ADGRG7: variants seen among roughly 807,000 people sequenced by gnomAD.
ADGRG7 encodes the protein adhesion G protein-coupled receptor G7, also known as G-protein coupled receptor 128.
Under a neutral mutation model 88.6 loss-of-function variants are expected in ADGRG7, and 82 were observed. That is an observed-to-expected ratio of 0.93 (90% CI 0.77 to 1.11). ADGRG7 has a LOEUF of 1.11. Among genes scored for constraint, ADGRG7 ranks in the 50% most tolerant of loss-of-function variants. The pLI, the probability that ADGRG7 is intolerant of heterozygous loss-of-function variation, is 0.00. For missense variants in ADGRG7, 945 were observed against 953.4 expected (o/e 0.99, Z 0.12); for synonymous variants, 381 against 345.2 (o/e 1.10, Z -1.15).
chr3:100,648,766 A>T (rs1144119), intron 10 of ADGRG7, among the ~76,000 whole-genome samples: 135,843 of 152,096 alleles, frequency 0.89, 62,539 homozygotes, highest in East Asian at 1. Flanking sequence ...TACAAATAAG[A>T]ATACATTGCT....
chr3:100,659,729 G>C lies in ADGRG7; in HGVS notation c.1865G>C (p.Ser622Thr), dbSNP rs1216324206. 6.2e-7 allele frequency: 1 copy of C among 1,613,780 alleles called. No homozygotes were observed. Among genetic ancestry groups the C allele is most frequent in the African/African-American group, 1.3e-5 (1 of 74,852 alleles). ...AIPEPNGVIKSPLLWSFIVPV... is the reference protein window; with the variant it reads ...AIPEPNGVIKTPLLWSFIVPV... ...CCAGAACCCAATGGTGTTATAAAAA[G>C]TCCGCTGTTGTGGTCATTCATCGTA... is the stretch of plus-strand genomic sequence containing the variant. The change falls in exon 14 of 16, where the codon AGT becomes ACT. Residue 622 changes from serine (S) to threonine (T), a missense_variant. Ser to Thr is a moderately conservative substitution (Grantham distance 58). Transcript: ENST00000273352.
At chr3:100,645,023 G>C (rs747513367) in intron 8 of ADGRG7, among the ~76,000 whole-genome samples, 4 of 152,168 alleles carry the variant, frequency 2.6e-5, no homozygotes, top group Non-Finnish European at 4.4e-5. Flanking sequence ...GGGGGCTGTC[G>C]GGGCCTTGCC....
intron 1 of ADGRG7, among the ~76,000 whole-genome samples, chr3:100,628,249 C>T (rs1707408805): frequency 6.6e-6 from 1 of 152,102 alleles, no homozygotes; most frequent in African/African-American, 2.4e-5. Context: ...CTGTCCAATG[C>T]CTTCAAGTAG....
intron 15 of ADGRG7, among the ~76,000 whole-genome samples, chr3:100,690,964 G>A (rs1178405607): frequency 6.6e-6 from 1 of 152,244 alleles, no homozygotes; most frequent in Non-Finnish European, 1.5e-5. Flanking sequence ...CCCCAGAGGT[G>A]GAGCCTACAG....
chr3:100,670,577 T>C (rs2094957130), intron 15 of ADGRG7, among the ~76,000 whole-genome samples: 1 of 152,172 alleles, frequency 6.6e-6, no homozygotes, highest in Non-Finnish European at 1.5e-5. Context: ...TTTTTATTAT[T>C]AAACTTTAAG....
intron 1 of ADGRG7, among the ~76,000 whole-genome samples, chr3:100,625,164 G>A (rs894397794): frequency 5.9e-5 from 9 of 152,036 alleles, no homozygotes; most frequent in Non-Finnish European, 1.0e-4. Flanking sequence ...CTTCCTATCC[G>A]TGAAGATGGA....
intron 8 of ADGRG7, 111 bp from the exon 9 acceptor site, chr3:100,645,834 G>A (rs1707734867): frequency 1.1e-6 from 1 of 933,652 alleles, no homozygotes; most frequent in African/African-American, 1.7e-5. Flanking sequence ...CATTTTTACT[G>A]TACTTTACTC....
chr3:100,622,659 A>G (rs567222862), intron 1 of ADGRG7, among the ~76,000 whole-genome samples: 3 of 152,276 alleles, frequency 2.0e-5, no homozygotes, highest in African/African-American at 4.8e-5. Flanking sequence ...CTAATCTACA[A>G]TTAGATTTAC....
At position 100,643,521 on chromosome 3, in the gene ADGRG7, CA is replaced by C; in HGVS notation, c.839-4del. 6.2e-7 allele frequency: 1 copy of C among 1,611,470 alleles called. No individual in the cohort carries two copies. The highest frequency in any genetic ancestry group is 8.5e-7 in the Non-Finnish European group (1 of 1,178,662). On this transcript the variant is annotated splice_region_variant and splice_polypyrimidine_tract_variant and intron_variant, in intron 7 of 15. Transcript: ENST00000273352. Reference sequence around the variant, plus strand: ...TTTACAATTCTACTCTTTCCCTTCTCATAGGAGCTAGCAGTTCTCTAGTTTC... The same window carrying C: ...TTTACAATTCTACTCTTTCCCTTCTCTAGGAGCTAGCAGTTCTCTAGTTTC...
At chr3:100,677,640 G>T (rs2094967214) in intron 15 of ADGRG7, among the ~76,000 whole-genome samples, 1 of 152,008 alleles carries the variant, frequency 6.6e-6, no homozygotes, top group African/African-American at 2.4e-5. Context: ...GTTTTTGTTT[G>T]TCTGGGAAAA....
chr3:100,669,057 C>A lies in ADGRG7; in HGVS notation c.2088C>A (p.Ser696Arg). The A allele has an allele frequency of 6.2e-7, 1 of 1,602,112 alleles. No individual in the cohort carries two copies. The change falls in exon 15 of 16, where the codon AGC becomes AGA. Residue 696 changes from serine to arginine, a missense_variant. By Grantham distance (110) the Ser-to-Arg change is moderately radical. Coordinates refer to ENST00000273352, the MANE Select transcript of ADGRG7 (RefSeq NM_032787.3). ...LAYLMLVNDD[S>R]IRIVFSYIFC... is the part of the protein sequence containing the mutation. Reference sequence around the variant, plus strand: ...ACCTGATGCTAGTTAATGATGATAGCATCAGGATCGTCTTCAGCTACATAT... The same window carrying A: ...ACCTGATGCTAGTTAATGATGATAGAATCAGGATCGTCTTCAGCTACATAT...
chr3:100,694,518 G>T (rs1481143329), intron 15 of ADGRG7, among the ~76,000 whole-genome samples: 1 of 152,186 alleles, frequency 6.6e-6, no homozygotes, highest in Non-Finnish European at 1.5e-5. Flanking sequence ...CTGAACTCGG[G>T]TCTTCTATAT....
At chr3:100,687,763 G>A (rs2094985560) in intron 15 of ADGRG7, among the ~76,000 whole-genome samples, 2 of 152,220 alleles carry the variant, frequency 1.3e-5, no homozygotes, top group South Asian at 2.1e-4. Flanking sequence ...CTGATGTGCT[G>A]CTGGATTCGG....
chr3:100,647,866 A>G (rs568695008), intron 10 of ADGRG7, among the ~76,000 whole-genome samples: 2 of 152,252 alleles, frequency 1.3e-5, no homozygotes, highest in Non-Finnish European at 2.9e-5. Context: ...TAATATAGCC[A>G]TATTTGGGAA....
At chr3:100,645,363 T>C (rs553606306) in intron 8 of ADGRG7, among the ~76,000 whole-genome samples, 37 of 152,224 alleles carry the variant, frequency 2.4e-4, no homozygotes, top group Non-Finnish European at 4.4e-4. Context: ...AAGCCCATGA[T>C]TGTCATGACA....
chr3:100,689,298 T>C (rs2094988917), intron 15 of ADGRG7, among the ~76,000 whole-genome samples: 1 of 152,236 alleles, frequency 6.6e-6, no homozygotes, highest in South Asian at 2.1e-4. Context: ...GTTTCCTGAA[T>C]ACAGCACACT....
chr3:100,642,933 C>T (rs1305242604), intron 6 of ADGRG7, among the ~76,000 whole-genome samples: 1 of 152,152 alleles, frequency 6.6e-6, no homozygotes, highest in African/African-American at 2.4e-5. Context: ...CATGCCTTGC[C>T]AATGGTGGGT....
Position 100,694,992 on chromosome 3 carries a change from A to C in ADGRG7, c.2385A>C (p.Glu795Asp). Reference sequence around the variant, plus strand: ...TCTCTGAAAGTGACAATGCAAAGGAAAGCATCTAGACAGTAAAACTTACCT... The same window carrying C: ...TCTCTGAAAGTGACAATGCAAAGGACAGCATCTAGACAGTAAAACTTACCT... ...ITLSESDNAKESI is the reference protein window; with the variant it reads ...ITLSESDNAKDSI Residue 795 changes from glutamate (E) to aspartate (D), a missense_variant, in exon 16 of 16, where the codon GAA (glutamate) becomes GAC (aspartate). By Grantham distance (45) the Glu-to-Asp change is conservative. Coordinates refer to ENST00000273352, the MANE Select transcript of ADGRG7 (RefSeq NM_032787.3). 1 of 1,614,100 alleles carries C rather than the reference A, an allele frequency of 6.2e-7. No individual in the cohort carries two copies. The highest frequency in any genetic ancestry group is 8.5e-7 in the Non-Finnish European group (1 of 1,179,954).
At chr3:100,639,815 T>G (rs902941455) in intron 6 of ADGRG7, among the ~76,000 whole-genome samples, 18 of 152,138 alleles carry the variant, frequency 1.2e-4, no homozygotes, top group Admixed American at 3.9e-4. Context: ...ACTTAATATA[T>G]AAAGGAAAAT....
Sources: gnomAD v4.1 joint callset for allele counts (sites outside exome capture counted in the v4.1 genomes callset) on GRCh38, gnomAD v4.1.1 for gene constraint, MANE v1.5 for transcripts, NCBI Gene and HGNC (gene_info 2026-07-23, HGNC 2026-07-21) for gene names.